Variants in OR1J2 observed in about 807,000 individuals in gnomAD.
The protein encoded by OR1J2 is olfactory receptor 1J2.
For missense variants in OR1J2, 304 were observed against 246.1 expected (o/e 1.24, Z -1.57); for synonymous variants, 142 against 99.7 (o/e 1.42, Z -2.52).
At chr9:122,479,058 TA>T in the OR1J2 span, among the ~76,000 whole-genome samples, 1 of 152,158 alleles carries the variant, frequency 6.6e-6, no homozygotes, top group Non-Finnish European at 1.5e-5. Flanking sequence ...AAGTTTAAGA[TA>T]AGTGTAAGAT....
the OR1J2 span, among the ~76,000 whole-genome samples, chr9:122,546,031 T>TG: frequency 6.6e-6 from 1 of 152,092 alleles, no homozygotes. Flanking sequence ...ACGTGTGTGT[T>TG]GGGGGGTGGA....
chr9:122,508,173 AAGG>A (rs1240018344), upstream of OR1J2, among the ~76,000 whole-genome samples: 1 of 149,548 alleles, frequency 6.7e-6, no homozygotes, highest in Non-Finnish European at 1.5e-5. Flanking sequence ...GAAGGAGAAG[AAGG>A]AGAAGGGGAA....
At chr9:122,509,879 A>G (rs1005382238), upstream of OR1J2, among the ~76,000 whole-genome samples, 3 of 152,196 alleles carry the variant, frequency 2.0e-5, no homozygotes, top group Non-Finnish European at 4.4e-5. Context: ...TACAATCCCT[A>G]ATTTCTTAGG....
At chr9:122,526,616 G>T in the OR1J2 span, 1 of 1,614,152 alleles carries the variant, frequency 6.2e-7, no homozygotes, top group Non-Finnish European at 8.5e-7. Flanking sequence ...CACGGGTTCG[G>T]ACCCTCAGGA....
the OR1J2 span, among the ~76,000 whole-genome samples, chr9:122,529,037 T>A: frequency 0.027 from 4,072 of 152,348 alleles, 292 homozygotes; most frequent in East Asian, 0.3. Context: ...ACTAAAGCAC[T>A]GTTTGTATTC....
chr9:122,482,969 C>G, the OR1J2 span, among the ~76,000 whole-genome samples: 1 of 152,074 alleles, frequency 6.6e-6, no homozygotes, highest in Non-Finnish European at 1.5e-5. Flanking sequence ...ATATTGTTAA[C>G]AACATTGTAT....
the OR1J2 span, among the ~76,000 whole-genome samples, chr9:122,573,828 T>A: frequency 6.6e-6 from 1 of 152,206 alleles, no homozygotes; most frequent in Non-Finnish European, 1.5e-5. Flanking sequence ...AAACCCAAGA[T>A]CATCTAGATT....
rs763414142 is a variant in OR1J2 at position 122,511,627 on chromosome 9, C to T, written c.826C>T (p.Leu276Phe). ...TATTGACAAGGATGTCATTGTGGCT[C>T]TCATGTACACGGTGGTCACACCCAT... ...SSIDKDVIVA[L>F]MYTVVTPMLN... The change falls in exon 1 of 1, where the codon CTC becomes TTC. Residue 276 changes from leucine to phenylalanine, a missense_variant. Physicochemically the swap from Leu to Phe is conservative, Grantham distance 22. Coordinates refer to ENST00000335302, the MANE Select transcript of OR1J2 (RefSeq NM_054107.1). 5 of 781,036 alleles carry T rather than the reference C, an allele frequency of 6.4e-6. No individual in the cohort carries two copies. In the South Asian group the frequency reaches 6.7e-5, roughly 10 times the overall value. 48.4% of individuals were successfully genotyped at this position (781,036 alleles called of 1,614,324 possible).
chr9:122,573,114 G>C, the OR1J2 span, among the ~76,000 whole-genome samples: 18 of 152,206 alleles, frequency 1.2e-4, no homozygotes, highest in Non-Finnish European at 1.3e-4. Context: ...AGCTTTCCAT[G>C]GGTTTGAGTT....
At chr9:122,468,261 A>G in the OR1J2 span, among the ~76,000 whole-genome samples, 1 of 152,336 alleles carries the variant, frequency 6.6e-6, no homozygotes, top group Non-Finnish European at 1.5e-5. Context: ...TCAGAGAATG[A>G]ATTACATTTA....
the OR1J2 span, among the ~76,000 whole-genome samples, chr9:122,574,498 T>G: frequency 6.6e-6 from 1 of 152,164 alleles, no homozygotes; most frequent in South Asian, 2.1e-4. Flanking sequence ...ACTTGTTTGT[T>G]GCTAATATTT....
the OR1J2 span, among the ~76,000 whole-genome samples, chr9:122,571,764 T>C: frequency 1.3e-5 from 2 of 151,134 alleles, no homozygotes; most frequent in South Asian, 4.2e-4. Context: ...GTCTTGTGTG[T>C]AGGGTTGTAG....
downstream of OR1J2, among the ~76,000 whole-genome samples, chr9:122,513,290 G>C (rs1207832159): frequency 6.6e-6 from 1 of 152,196 alleles, no homozygotes; most frequent in Non-Finnish European, 1.5e-5. Flanking sequence ...GGATGGCATT[G>C]GTGATGGCTT....
chr9:122,461,416 T>C, the OR1J2 span, among the ~76,000 whole-genome samples: 1 of 152,068 alleles, frequency 6.6e-6, no homozygotes, highest in African/African-American at 2.4e-5. Flanking sequence ...TTCAATTTCA[T>C]TTAGTTCTGC....
chr9:122,483,828 TAAAA>T, the OR1J2 span, among the ~76,000 whole-genome samples: 1 of 152,148 alleles, frequency 6.6e-6, no homozygotes, highest in Non-Finnish European at 1.5e-5. Context: ...TTTCTCTAAA[TAAAA>T]AATAAATGCT....
At chr9:122,527,110 C>G in the OR1J2 span, 1 of 1,614,152 alleles carries the variant, frequency 6.2e-7, no homozygotes, top group South Asian at 1.1e-5. Flanking sequence ...GACAGGTTGG[C>G]CAAGAAAAAG....
the OR1J2 span, among the ~76,000 whole-genome samples, chr9:122,562,700 C>T: frequency 6.6e-6 from 1 of 152,172 alleles, no homozygotes; most frequent in Non-Finnish European, 1.5e-5. Context: ...GCAGGGTTCG[C>T]ATGCTGTTTT....
At chr9:122,519,742 C>T in the OR1J2 span, 2 of 1,614,172 alleles carry the variant, frequency 1.2e-6, no homozygotes, top group Non-Finnish European at 1.7e-6. Context: ...GTCATTTTCA[C>T]AGTGGGACAG....
At chr9:122,568,194 T>A in the OR1J2 span, 15 of 1,614,046 alleles carry the variant, frequency 9.3e-6, no homozygotes, top group Non-Finnish European at 1.2e-5. Flanking sequence ...ACACCCAGCA[T>A]AGGAGATGGT....
Sources: gnomAD v4.1 joint callset for allele counts (sites outside exome capture counted in the v4.1 genomes callset) on GRCh38, gnomAD v4.1.1 for gene constraint, MANE v1.5 for transcripts, NCBI Gene and HGNC (gene_info 2026-07-23, HGNC 2026-07-21) for gene names.